PDXK: variants seen among roughly 807,000 people sequenced by gnomAD.
PDXK encodes pyridoxal kinase, also known as epididymis secretory sperm binding protein Li 1a.
Under a neutral mutation model 43.2 loss-of-function variants are expected in PDXK, and 15 were observed. The observed-to-expected ratio is 0.35, with a 90% CI of 0.23 to 0.53. PDXK has a LOEUF of 0.53. Among genes scored for constraint, PDXK ranks in the 20% least tolerant of loss-of-function variants. The probability of loss-of-function intolerance (pLI) is 0.92; values close to 1 mark genes in which losing one functional copy is unlikely to be tolerated. For missense variants in PDXK, 343 were observed against 417.0 expected, an observed-to-expected ratio of 0.82 and a Z score of 1.54; for synonymous variants, 172 against 165.4, an observed-to-expected ratio of 1.04 and a Z score of -0.31.
chr21:43,729,094 C>G (rs759955711), intron 1 of PDXK: 67 of 896,296 alleles, frequency 7.5e-5, no homozygotes, highest in African/African-American at 1.1e-4. Context: ...CAATCCTGCC[C>G]CCTGGCTGCG....
intron 10 of PDXK, 28 bp downstream of exon 10, chr21:43,755,792 G>A (rs767935467): frequency 1.3e-5 from 21 of 1,598,364 alleles, no homozygotes; most frequent in Admixed American, 1.7e-5. Context: ...CATGGGCTGC[G>A]TGGGCTCCTG....
Position 43,732,238 on chromosome 21 carries a change from C to T in PDXK, c.88-1831C>T, listed in dbSNP as rs1341419706. 62 of 1,465,716 alleles carry T rather than the reference C, an allele frequency of 4.2e-5. No individual in the cohort carries two copies. The highest frequency in any genetic ancestry group is 8.1e-6 in the Non-Finnish European group (9 of 1,113,722). The allele number at this position is 1,465,716 out of a possible 1,614,324, so 90.8% of individuals were successfully genotyped here. On this transcript the variant is annotated intron_variant, in intron 1 of 10. Coordinates refer to ENST00000291565, the MANE Select transcript of PDXK (RefSeq NM_003681.5). This position sits in a 1 kb window ranked among gnomAD's most constrained non-coding sequence, Gnocchi z 4.1. ...CAGAGGCATGGTCCGGCACAGAGCG[C>T]TGGCTTCCAGCTGAAGGACATGTGT...
intron 3 of PDXK, 23 bp downstream of exon 3, chr21:43,741,794 G>T (rs111328849): frequency 6.7e-7 from 1 of 1,490,486 alleles, no homozygotes; most frequent in Non-Finnish European, 9.3e-7. Flanking sequence ...GCAAGCTGCC[G>T]CAGGGGACTA....
chr21:43,741,569 C>T (rs1205888416), intron 2 of PDXK, 98 bp from the exon 3 acceptor site: 1 of 1,550,146 alleles, frequency 6.5e-7, no homozygotes, highest in South Asian at 1.2e-5. Flanking sequence ...GAGCCGTCCA[C>T]CAGGCAGCCT....
chr21:43,741,582 G>C (rs757857470), intron 2 of PDXK, 85 bp from the exon 3 acceptor site: 6 of 1,572,796 alleles, frequency 3.8e-6, no homozygotes, highest in Non-Finnish European at 4.3e-6. Flanking sequence ...GGCAGCCTCA[G>C]GGAGAGTGGG....
rs760543807 is a variant in PDXK at position 43,753,541 on chromosome 21, G to A, written c.623-42G>A. ...GGATGGGAGGCTGGCCCTGGCAGAG[G>A]AGCGGCAGATCTCAGTGACCTTGCC... On this transcript the variant is annotated intron_variant, in intron 8 of 10. Coordinates refer to ENST00000291565, the MANE Select transcript of PDXK (RefSeq NM_003681.5). The A allele has an allele frequency of 3.2e-6, 5 of 1,580,610 alleles. No homozygotes were observed. The African/African-American group carries it at 4.0e-5, about 13-fold the overall frequency.
chr21:43,752,919 G>C (rs549576641), intron 8 of PDXK, among the ~76,000 whole-genome samples: 2 of 152,182 alleles, frequency 1.3e-5, no homozygotes, highest in African/African-American at 4.8e-5. Flanking sequence ...CCACCCGGCT[G>C]TGCTGATTGT....
In PDXK at chr21:43,732,148, T is replaced by C. The variant is rs183740817; in HGVS notation, c.88-1921T>C. The stretch of plus-strand genomic sequence containing the variant: ...CCCATTCTCTTCGCAGGCTTCAGTT[T>C]CACATTCTTGGTACCTCCTGGTGGT... On this transcript the variant is annotated intron_variant, in intron 1 of 10. Transcript: ENST00000291565. The surrounding 1 kb of genome is among the most constrained non-coding windows in gnomAD (Gnocchi z 4.1). 1.0e-5 allele frequency: 14 copies of C among 1,384,156 alleles called. No individual in the cohort carries two copies. In the East Asian group the frequency reaches 3.5e-4, roughly 35 times the overall value. 85.7% of individuals were successfully genotyped at this position (1,384,156 alleles called of 1,614,324 possible).
intron 1 of PDXK, among the ~76,000 whole-genome samples, chr21:43,724,605 GCCGAGA>G (rs1257383931): frequency 2.1e-3 from 324 of 151,992 alleles, no homozygotes; most frequent in African/African-American, 7.6e-3. Context: ...ACTTTAGGAG[GCCGAGA>G]TGGGGGGATC....
intron 2 of PDXK, among the ~76,000 whole-genome samples, chr21:43,740,191 C>T (rs146467610): frequency 0.017 from 2,515 of 152,154 alleles, 98 homozygotes; most frequent in Admixed American, 0.047. Flanking sequence ...AGGACCTTTG[C>T]GCCACACGTC....
chr21:43,752,364 C>T (rs544878475), intron 7 of PDXK, among the ~76,000 whole-genome samples, 154 bp from the exon 8 acceptor site: 2 of 152,304 alleles, frequency 1.3e-5, no homozygotes, highest in East Asian at 3.9e-4. Context: ...CCGGGAGTGC[C>T]GCCATTGGGA....
rs746781156 is a variant in PDXK at position 43,741,543 on chromosome 21, G to A, written c.143-124G>A. 41 of 1,510,328 alleles carry A rather than the reference G, an allele frequency of 2.7e-5. No homozygotes were observed. The South Asian group carries it at 3.4e-4, about 13-fold the overall frequency. 93.6% of individuals were successfully genotyped at this position (1,510,328 alleles called of 1,614,324 possible). On this transcript the variant is annotated intron_variant, in intron 2 of 10. Coordinates refer to ENST00000291565, the MANE Select transcript of PDXK (RefSeq NM_003681.5). ...GCCTAGTGATCTCCTTCGGGTTTGA[G>A]CCAGTCCATGGGGAGGAGCCGTCCA...
chr21:43,744,886 A>G (rs760908492), intron 4 of PDXK, among the ~76,000 whole-genome samples: 12 of 152,074 alleles, frequency 7.9e-5, no homozygotes, highest in Non-Finnish European at 1.8e-4. Flanking sequence ...GTGATAGACA[A>G]ACAAAGTGTC....
chr21:43,739,247 T>C (rs558876195), intron 2 of PDXK, among the ~76,000 whole-genome samples: 2 of 152,300 alleles, frequency 1.3e-5, no homozygotes, highest in East Asian at 3.9e-4. Context: ...GGTCTCGAAC[T>C]CCCGACCTCA....
In PDXK at chr21:43,755,627, C is replaced by T. The variant is rs370440774; in HGVS notation, c.760-71C>T. 2.3e-5 allele frequency: 29 copies of T among 1,282,708 alleles called. 1 individual carries two copies. Among genetic ancestry groups the T allele is most frequent in the Middle Eastern group, 3.7e-4 (2 of 5,442 alleles). 79.5% of individuals were successfully genotyped at this position (1,282,708 alleles called of 1,614,324 possible). A position where few individuals can be genotyped will look rare whatever the true frequency, so the allele number is the denominator to read the frequency against. On this transcript the variant is annotated intron_variant, in intron 9 of 10. Transcript: ENST00000291565. The stretch of plus-strand genomic sequence containing the variant: ...GGCCCTTGTGTTCCCTGGAAATCCC[C>T]TCCTGGCAGCAGTGGGCACGTCGGG...
Position 43,723,482 on chromosome 21 carries a change from G to A in PDXK, c.87+4101G>A, listed in dbSNP as rs1226660504. On this transcript the variant is annotated intron_variant, in intron 1 of 10. Coordinates refer to ENST00000291565, the MANE Select transcript of PDXK (RefSeq NM_003681.5). The surrounding 1 kb of genome is among the most constrained non-coding windows in gnomAD (Gnocchi z 4.1). ...GGCCCAAAGATCCTTTTTCCAAATA[G>A]AGTCCCCTTCACAGGTTTCAGTTAA... 1 of 152,234 alleles carries A rather than the reference G, an allele frequency of 6.6e-6. No homozygotes were observed. Among genetic ancestry groups the A allele is most frequent in the Admixed American group, 6.5e-5 (1 of 15,280 alleles). The allele number at this position is 152,234 out of a possible 1,614,324, so 9.4% of individuals were successfully genotyped here.
rs1342765304 is a variant in PDXK at position 43,736,814 on chromosome 21, A to G, written c.142+2691A>G. 4 of 636,014 alleles carry G rather than the reference A, an allele frequency of 6.3e-6. 1 individual carries two copies. Among genetic ancestry groups the G allele is most frequent in the South Asian group, 3.4e-5 (2 of 58,118 alleles). The allele number at this position is 636,014 out of a possible 1,614,324, so 39.4% of individuals were successfully genotyped here. A position where few individuals can be genotyped will look rare whatever the true frequency, so the allele number is the denominator to read the frequency against. ...CACCGAGCTAATTTTGCTATTTTTCATAGAGACGGAGTCTCACTATGTTGC... is the reference window on the plus strand; with the variant it reads ...CACCGAGCTAATTTTGCTATTTTTCGTAGAGACGGAGTCTCACTATGTTGC... On this transcript the variant is annotated intron_variant, in intron 2 of 10. Coordinates refer to ENST00000291565, the MANE Select transcript of PDXK (RefSeq NM_003681.5).
chr21:43,750,759 G>A (rs535294601), intron 7 of PDXK, among the ~76,000 whole-genome samples: 6 of 141,058 alleles, frequency 4.3e-5, no homozygotes, highest in African/African-American at 8.2e-5. Flanking sequence ...GCATGTGTGC[G>A]TGTGTGCGCG....
intron 1 of PDXK, chr21:43,728,615 C>T (rs1289322934): frequency 3.2e-6 from 2 of 632,036 alleles, no homozygotes; most frequent in Non-Finnish European, 3.9e-6. Context: ...CTGTCTGCCT[C>T]GCTGTGAGCA....
Sources: allele counts gnomAD v4.1 joint callset (sites outside exome capture counted in the v4.1 genomes callset), GRCh38; gene constraint gnomAD v4.1.1; non-coding constraint Gnocchi (gnomAD v3.1); transcripts MANE v1.5; gene names NCBI Gene and HGNC (gene_info 2026-07-23, HGNC 2026-07-21).